Variants in PIEZO2 observed in about 807,000 individuals in gnomAD.
The protein encoded by PIEZO2 is piezo-type mechanosensitive ion channel component 2.
In PIEZO2, 172 loss-of-function variants were observed where a neutral mutation model predicts 337.3. That is an observed-to-expected ratio of 0.51 (90% confidence interval 0.45 to 0.58). The LOEUF is 0.58. Ranked by LOEUF, PIEZO2 falls within the 20% of genes least tolerant of loss-of-function variation. The pLI, the probability that PIEZO2 is intolerant of heterozygous loss-of-function variation, is 0.00. For missense variants in PIEZO2, 3,028 were observed against 3,391.3 expected (o/e 0.89, Z 2.66); for synonymous variants, 1,251 against 1,228.5 (o/e 1.02, Z -0.38).
intron 3 of PIEZO2, among the ~76,000 whole-genome samples, chr18:10,946,907 G>A (rs2033052355): frequency 6.6e-6 from 1 of 151,580 alleles, no homozygotes; most frequent in Non-Finnish European, 1.5e-5. Flanking sequence ...TCAGATGTTG[G>A]AATTATCTGG....
rs2033847959 is a variant in PIEZO2, at chr18:10,962,981, T to G, written c.286+16554A>C. Among the ~76,000 whole-genome samples the G allele has an allele frequency of 6.6e-6, 1 of 152,164 alleles. No homozygotes were observed. Among genetic ancestry groups the G allele is most frequent in the South Asian group, 2.1e-4 (1 of 4,826 alleles). On this transcript the variant is annotated intron_variant, in intron 3 of 55. Coordinates refer to ENST00000674853, the MANE Select transcript of PIEZO2 (RefSeq NM_001378183.1). The surrounding 1 kb of genome is among the most constrained non-coding windows in gnomAD (Gnocchi z 4.1). ...TACATATACCCAGAATCATTCCTCC[T>G]GTCAAAATTAAATAGAAATATCTGG...
intron 3 of PIEZO2, among the ~76,000 whole-genome samples, chr18:10,927,945 C>A (rs567571984): frequency 2.6e-5 from 4 of 151,902 alleles, no homozygotes; most frequent in South Asian, 2.1e-4. Flanking sequence ...GGCAGGAGAC[C>A]AAACCCAAAG....
rs7232335 is a variant in PIEZO2, at chr18:10,773,179, A to T, written c.2785+233T>A. On this transcript the variant is annotated intron_variant, in intron 20 of 55. Coordinates refer to ENST00000674853, the MANE Select transcript of PIEZO2 (RefSeq NM_001378183.1). The surrounding 1 kb of genome is among the most constrained non-coding windows in gnomAD (Gnocchi z 5.3). ...AGTGTCTAGACAGGAGCACTACTTGAGGGTCAGTCACTGATAACCAGTCGT... is the reference window on the plus strand; with the variant it reads ...AGTGTCTAGACAGGAGCACTACTTGTGGGTCAGTCACTGATAACCAGTCGT... Among the ~76,000 whole-genome samples the T allele has an allele frequency of 0.84, 128,429 of 152,176 alleles. 54,278 individuals are homozygous for T. Among genetic ancestry groups the T allele is most frequent in the East Asian group, 0.93 (4,811 of 5,174 alleles).
At chr18:11,087,615 G>A (rs8091250) in intron 1 of PIEZO2, among the ~76,000 whole-genome samples, 89,515 of 152,062 alleles carry the variant, frequency 0.59, 27,827 homozygotes, top group African/African-American at 0.8. Context: ...TTCCCACCTT[G>A]TTTATGTGCC....
At chr18:11,147,250 C>T (rs986961467) in intron 1 of PIEZO2, among the ~76,000 whole-genome samples, 1 of 152,140 alleles carries the variant, frequency 6.6e-6, no homozygotes, top group Admixed American at 6.5e-5. Flanking sequence ...AAGTAGAGAA[C>T]GAGGCCAGCA....
At position 10,776,088 on chromosome 18, in the gene PIEZO2, C is replaced by T. The variant is rs184688161; in HGVS notation, c.2535-2050G>A. ...AATAAAGTATACTGTTTCAAAAAGA[C>T]ACTTGTGTGAATCCTTTTACTTTTC... is the stretch of plus-strand genomic sequence containing the variant. On this transcript the variant is annotated intron_variant, in intron 18 of 55. Transcript: ENST00000674853. Among the ~76,000 whole-genome samples, 67 of 152,264 alleles carry T rather than the reference C, an allele frequency of 4.4e-4. 1 individual carries two copies. The highest frequency in any genetic ancestry group is 4.2e-3 in the Admixed American group (65 of 15,298).
intron 3 of PIEZO2, among the ~76,000 whole-genome samples, chr18:10,977,906 G>C (rs75518668): frequency 0.033 from 5,075 of 152,282 alleles, 148 homozygotes; most frequent in Middle Eastern, 0.075. Flanking sequence ...TGGTTGCCTA[G>C]AGATGGCTGG....
At chr18:10,804,961 C>T (rs140340532) in intron 8 of PIEZO2, among the ~76,000 whole-genome samples, 14 of 152,280 alleles carry the variant, frequency 9.2e-5, no homozygotes, top group African/African-American at 2.2e-4. Flanking sequence ...CTGCAGACCT[C>T]GTGATTTATA....
intron 48 of PIEZO2, among the ~76,000 whole-genome samples, chr18:10,690,431 G>A (rs2034762408): frequency 6.6e-6 from 1 of 152,074 alleles, no homozygotes; most frequent in African/African-American, 2.4e-5. Context: ...GTTCTCCCAG[G>A]GCCCTCACAG....
intron 1 of PIEZO2, among the ~76,000 whole-genome samples, chr18:11,066,989 T>C (rs1194665061): frequency 6.6e-6 from 1 of 152,188 alleles, no homozygotes; most frequent in Non-Finnish European, 1.5e-5. Flanking sequence ...GCAAGCCTCA[T>C]GGTCACCACA....
At chr18:11,122,527 T>C (rs1438925672) in intron 1 of PIEZO2, among the ~76,000 whole-genome samples, 2 of 152,252 alleles carry the variant, frequency 1.3e-5, no homozygotes, top group Non-Finnish European at 2.9e-5. Flanking sequence ...GATATGGTCA[T>C]TCTCTTTTCA....
chr18:10,984,580 T>A (rs528713251), intron 2 of PIEZO2, among the ~76,000 whole-genome samples: 2 of 152,134 alleles, frequency 1.3e-5, no homozygotes, highest in Non-Finnish European at 2.9e-5. Flanking sequence ...GTTTTTAAAA[T>A]CCTATGGGAC....
Position 11,111,725 on chromosome 18 carries a change from C to T in PIEZO2, c.64+36800G>A, listed in dbSNP as rs147648741. 1.5e-3 allele frequency among the ~76,000 whole-genome samples: 231 copies of T among 152,324 alleles called. No individual in the cohort carries two copies. The highest frequency in any genetic ancestry group is 2.7e-3 in the Non-Finnish European group (186 of 68,042). ...TCTTGAACTGACACCGTCACACCCTCGGGGAATCCGTAGCCAGGCACCAGT... is the reference window on the plus strand; with the variant it reads ...TCTTGAACTGACACCGTCACACCCTTGGGGAATCCGTAGCCAGGCACCAGT... On this transcript the variant is annotated intron_variant, in intron 1 of 55. Transcript: ENST00000674853. The surrounding 1 kb of genome is among the most constrained non-coding windows in gnomAD (Gnocchi z 6.2).
At position 11,148,667 on chromosome 18, in the gene PIEZO2, G is replaced by A. The variant is rs2040872644; in HGVS notation, c.-79C>T. 1.4e-6 allele frequency: 2 copies of A among 1,432,646 alleles called. No homozygotes were observed. The highest frequency in any genetic ancestry group is 5.1e-5 in the East Asian group (2 of 39,266). 88.7% of individuals were successfully genotyped at this position (1,432,646 alleles called of 1,614,324 possible). A position where few individuals can be genotyped will look rare whatever the true frequency, so the allele number is the denominator to read the frequency against. On this transcript the variant is annotated 5_prime_UTR_variant, in exon 1 of 56. In the 5' UTR this introduces an upstream ATG that the reference lacks. Transcript: ENST00000674853. The surrounding 1 kb of genome is among the most constrained non-coding windows in gnomAD (Gnocchi z 5.2). ...GTGGTGGGACGCAAGGCCCATGCCC[G>A]TCTATGGCCTCTCGCCGCCGGCAGC... is the stretch of plus-strand genomic sequence containing the variant.
At chr18:11,093,660 C>T in intron 1 of PIEZO2, among the ~76,000 whole-genome samples, 1 of 143,984 alleles carries the variant, frequency 6.9e-6, no homozygotes, top group Non-Finnish European at 1.5e-5. Flanking sequence ...AATCTCGGCT[C>T]ACTGCAAGCT....
At chr18:11,067,974 T>G (rs1453996861) in intron 1 of PIEZO2, among the ~76,000 whole-genome samples, 1 of 152,236 alleles carries the variant, frequency 6.6e-6, no homozygotes, top group African/African-American at 2.4e-5. Flanking sequence ...CAGGCTGCAG[T>G]GCAGTGGCAC....
intron 2 of PIEZO2, among the ~76,000 whole-genome samples, chr18:10,991,500 G>A (rs934352114): frequency 3.3e-5 from 5 of 151,472 alleles, no homozygotes; most frequent in Non-Finnish European, 7.4e-5. Flanking sequence ...CTGTTCCTGC[G>A]TTGGTTTGCT....
rs539567870 is a variant in PIEZO2 at position 10,745,994 on chromosome 18, T to C, written c.4425-1763A>G. Among the ~76,000 whole-genome samples the C allele has an allele frequency of 4.1e-4, 63 of 152,346 alleles. 1 individual carries two copies. Among genetic ancestry groups the C allele is most frequent in the Non-Finnish European group, 6.5e-4 (44 of 68,036 alleles). On this transcript the variant is annotated intron_variant, in intron 30 of 55. Coordinates refer to ENST00000674853, the MANE Select transcript of PIEZO2 (RefSeq NM_001378183.1). ...ATCACCCTCTATGCTTCCCTTTCTATCACTGTCTCCCTTCCTTCCAAGCAG... is the reference window on the plus strand; with the variant it reads ...ATCACCCTCTATGCTTCCCTTTCTACCACTGTCTCCCTTCCTTCCAAGCAG...
In PIEZO2 at chr18:10,677,671, T is replaced by C; in HGVS notation, c.8081+76A>G. The C allele has an allele frequency of 1.3e-6, 2 of 1,499,040 alleles. No individual in the cohort carries two copies. Among genetic ancestry groups the C allele is most frequent in the East Asian group, 2.3e-5 (1 of 43,638 alleles). The allele number at this position is 1,499,040 out of a possible 1,614,324, so 92.9% of individuals were successfully genotyped here. ...AATGAAGTTGCATTCCTCATACACATGAATCTGTAGATGGACATTTTGTAC... is the reference window on the plus strand; with the variant it reads ...AATGAAGTTGCATTCCTCATACACACGAATCTGTAGATGGACATTTTGTAC... On this transcript the variant is annotated intron_variant, in intron 53 of 55. Transcript: ENST00000674853. The surrounding 1 kb of genome is among the most constrained non-coding windows in gnomAD (Gnocchi z 4.1).
Sources: allele counts gnomAD v4.1 joint callset (sites outside exome capture counted in the v4.1 genomes callset), GRCh38; gene constraint gnomAD v4.1.1; non-coding constraint Gnocchi (gnomAD v3.1); transcripts MANE v1.5; gene names NCBI Gene and HGNC (gene_info 2026-07-23, HGNC 2026-07-21).